SH2D4A: variants seen among roughly 807,000 people sequenced by gnomAD.
SH2D4A encodes the protein SH2 domain containing 4A.
A neutral mutation model predicts 64.7 loss-of-function variants in SH2D4A; 70 were observed. That is an observed-to-expected ratio of 1.08 (90% CI 0.89 to 1.32). The LOEUF (loss-of-function observed/expected upper bound fraction) is 1.32. SH2D4A is among the 40% of genes most tolerant of loss of function. The pLI, the probability that SH2D4A is intolerant of heterozygous loss-of-function variation, is 0.00. For missense variants in SH2D4A, 706 were observed against 540.1 expected (o/e 1.31, Z -3.04); for synonymous variants, 268 against 200.7 (o/e 1.34, Z -2.83).
At chr8:19,389,042 A>C (rs1398502041) in intron 8 of SH2D4A, among the ~76,000 whole-genome samples, 2 of 152,166 alleles carry the variant, frequency 1.3e-5, no homozygotes, top group Non-Finnish European at 2.9e-5. Flanking sequence ...TGGAGGTGGG[A>C]GCAGGTGCTC....
intron 4 of SH2D4A, among the ~76,000 whole-genome samples, chr8:19,338,517 C>G (rs1330180381): frequency 6.6e-6 from 1 of 152,180 alleles, no homozygotes. Context: ...AAAGCAGAGA[C>G]TCTTTCCTGG....
At chr8:19,323,794 A>G (rs547292641) in intron 2 of SH2D4A, among the ~76,000 whole-genome samples, 1 of 152,234 alleles carries the variant, frequency 6.6e-6, no homozygotes, top group African/African-American at 2.4e-5. Flanking sequence ...TTAACTGGGT[A>G]TCAGACCCTG....
chr8:19,329,599 C>G (rs914099446), intron 2 of SH2D4A, among the ~76,000 whole-genome samples: 1 of 152,166 alleles, frequency 6.6e-6, no homozygotes, highest in Non-Finnish European at 1.5e-5. Flanking sequence ...CCACCCAAAT[C>G]TCATCTTGAA....
intron 2 of SH2D4A, among the ~76,000 whole-genome samples, chr8:19,323,628 G>A (rs2052227078): frequency 6.6e-6 from 1 of 152,158 alleles, no homozygotes; most frequent in Non-Finnish European, 1.5e-5. Flanking sequence ...TGATCCACCT[G>A]CCTCGGCCTT....
At chr8:19,325,718 C>G (rs2052267945) in intron 2 of SH2D4A, among the ~76,000 whole-genome samples, 1 of 152,214 alleles carries the variant, frequency 6.6e-6, no homozygotes, top group Non-Finnish European at 1.5e-5. Context: ...GGTTCCCCAA[C>G]TTTCTTTCTC....
intron 2 of SH2D4A, among the ~76,000 whole-genome samples, chr8:19,329,319 C>A (rs898756990): frequency 1.3e-5 from 2 of 152,152 alleles, no homozygotes; most frequent in African/African-American, 4.8e-5. Flanking sequence ...CTGCCCTGGC[C>A]CTCCAGGGAC....
chr8:19,352,072 C>T (rs1246499444), intron 4 of SH2D4A, among the ~76,000 whole-genome samples: 1 of 152,142 alleles, frequency 6.6e-6, no homozygotes, highest in Admixed American at 6.5e-5. Flanking sequence ...CCTGAGCCAC[C>T]GCCTCCAGCC....
intron 8 of SH2D4A, among the ~76,000 whole-genome samples, chr8:19,378,650 G>T (rs1434321513): frequency 2.0e-5 from 3 of 152,036 alleles, no homozygotes; most frequent in African/African-American, 7.3e-5. Context: ...TGGCCAGGCT[G>T]GTCTCGAACC....
At chr8:19,358,289 T>C (rs2052825659) in intron 5 of SH2D4A, among the ~76,000 whole-genome samples, 1 of 152,208 alleles carries the variant, frequency 6.6e-6, no homozygotes, top group Non-Finnish European at 1.5e-5. Flanking sequence ...AGACACATTT[T>C]ATGAAAAAAT....
At chr8:19,362,710 A>G (rs1171267570) in intron 6 of SH2D4A, among the ~76,000 whole-genome samples, 1 of 152,174 alleles carries the variant, frequency 6.6e-6, no homozygotes, top group Non-Finnish European at 1.5e-5. Context: ...ACTGCACTTC[A>G]GCCTGGGCAA....
intron 4 of SH2D4A, 135 bp from the exon 5 acceptor site, chr8:19,357,068 C>A: frequency 1.5e-6 from 1 of 663,214 alleles, no homozygotes; most frequent in Non-Finnish European, 2.7e-6. Context: ...AACTCAGGTG[C>A]CAGTGGGAGC....
intron 4 of SH2D4A, among the ~76,000 whole-genome samples, chr8:19,338,354 G>A (rs77693042): frequency 0.04 from 6,053 of 152,202 alleles, 191 homozygotes; most frequent in South Asian, 0.093. Context: ...CAGAATAATG[G>A]CAAATATATC....
chr8:19,380,720 C>A (rs1431492978), intron 8 of SH2D4A, among the ~76,000 whole-genome samples: 1 of 152,128 alleles, frequency 6.6e-6, no homozygotes, highest in Non-Finnish European at 1.5e-5. Flanking sequence ...TTATTATAAT[C>A]TATTGGTCTA....
chr8:19,322,779 TC>T (rs2052213971), intron 2 of SH2D4A, among the ~76,000 whole-genome samples: 1 of 151,978 alleles, frequency 6.6e-6, no homozygotes, highest in Non-Finnish European at 1.5e-5. Context: ...CAAGCGATTC[TC>T]CTGCCTCAGC....
intron 4 of SH2D4A, among the ~76,000 whole-genome samples, chr8:19,339,178 G>A (rs1221661069): frequency 6.6e-6 from 1 of 152,238 alleles, no homozygotes; most frequent in East Asian, 1.9e-4. Flanking sequence ...GAAAGATGGA[G>A]GGTGGAAGAC....
intron 2 of SH2D4A, among the ~76,000 whole-genome samples, chr8:19,323,300 G>T (rs958211237): frequency 5.3e-5 from 8 of 151,806 alleles, no homozygotes; most frequent in Non-Finnish European, 8.8e-5. Flanking sequence ...ATTAATAATT[G>T]TATATTCCTT....
chr8:19,353,525 C>T (rs891073943), intron 4 of SH2D4A, among the ~76,000 whole-genome samples: 3 of 151,814 alleles, frequency 2.0e-5, no homozygotes, highest in Admixed American at 6.6e-5. Context: ...CGCATCATCA[C>T]GCCCGGCTAA....
chr8:19,373,997 C>A (rs1187834514), intron 8 of SH2D4A, among the ~76,000 whole-genome samples: 1 of 152,208 alleles, frequency 6.6e-6, no homozygotes, highest in African/African-American at 2.4e-5. Context: ...GTCTTCCTTT[C>A]ACCGAGGGAC....
At chr8:19,346,842 C>A (rs1483286945) in intron 4 of SH2D4A, among the ~76,000 whole-genome samples, 1 of 152,126 alleles carries the variant, frequency 6.6e-6, no homozygotes, top group Non-Finnish European at 1.5e-5. Flanking sequence ...GTTCTCTCAC[C>A]CCCAACCCAC....
Sources: gnomAD v4.1 joint callset for allele counts (sites outside exome capture counted in the v4.1 genomes callset) on GRCh38, gnomAD v4.1.1 for gene constraint, MANE v1.5 for transcripts, NCBI Gene and HGNC (gene_info 2026-07-23, HGNC 2026-07-21) for gene names.